ANGPTL3: variants seen among roughly 807,000 people sequenced by gnomAD.
ANGPTL3 encodes angiopoietin-related protein 3.
ANGPTL3 carries 51 observed loss-of-function variants against 52.7 expected under a neutral mutation model. That is an observed-to-expected ratio of 0.97 (90% CI 0.77 to 1.22). The LOEUF is 1.22. Ranked by LOEUF, ANGPTL3 falls within the 50% of genes most tolerant of loss-of-function variation. The pLI is 0.00. For synonymous variants in ANGPTL3, 185 were observed against 179.8 expected (o/e 1.03, Z -0.23); for missense variants, 506 against 520.7 (o/e 0.97, Z 0.27).
intron 3 of ANGPTL3, among the ~76,000 whole-genome samples, chr1:62,601,502 C>T (rs527277163): frequency 4.0e-5 from 6 of 151,552 alleles, no homozygotes; most frequent in South Asian, 2.1e-4. Context: ...GAAATATTTA[C>T]GGAGTTAAAG....
In ANGPTL3 at chr1:62,597,629, A is replaced by C. The variant is rs752195217; in HGVS notation, c.63A>C (p.Gln21His). The change falls in exon 1 of 7, where the codon CAA becomes CAC. Residue 21 changes from glutamine (Q) to histidine (H), a missense_variant. By Grantham distance (24) the Gln-to-His change is conservative. Coordinates refer to ENST00000371129, the MANE Select transcript of ANGPTL3 (RefSeq NM_014495.4). Reference sequence around the variant, plus strand: ...TAGTTATTTCCTCCAGAATTGATCAAGACAATTCATCATTTGATTCTCTAT... The same window carrying C: ...TAGTTATTTCCTCCAGAATTGATCACGACAATTCATCATTTGATTCTCTAT... ...VPLVISSRID[Q>H]DNSSFDSLSP... 1.9e-5 allele frequency: 31 copies of C among 1,612,868 alleles called. 1 individual carries two copies. The South Asian group carries it at 3.3e-4, about 17-fold the overall frequency.
At position 62,604,705 on chromosome 1, in the gene ANGPTL3, C is replaced by T. The variant is rs1484389440; in HGVS notation, c.1271C>T (p.Ser424Phe). Residue 424 changes from serine to phenylalanine, a missense_variant, in exon 7 of 7, where the codon TCT (serine) becomes TTT (phenylalanine). By Grantham distance (155) the Ser-to-Phe change is radical. Coordinates refer to ENST00000371129, the MANE Select transcript of ANGPTL3 (RefSeq NM_014495.4). Reference sequence around the variant, plus strand: ...AAATATAACAAACCAAGAGCAAAATCTAAGCCAGAGAGGAGAAGAGGATTA... The same window carrying T: ...AAATATAACAAACCAAGAGCAAAATTTAAGCCAGAGAGGAGAAGAGGATTA... The part of the protein sequence containing the change: ...NGKYNKPRAK[S>F]KPERRRGLSW... The T allele has an allele frequency of 1.9e-6, 3 of 1,613,076 alleles. No homozygotes were observed. Among genetic ancestry groups the T allele is most frequent in the Non-Finnish European group, 2.5e-6 (3 of 1,179,434 alleles).
chr1:62,604,594 G>T, intron 6 of ANGPTL3, 39 bp from the exon 7 acceptor site: 1 of 1,568,036 alleles, frequency 6.4e-7, no homozygotes, highest in Non-Finnish European at 8.8e-7. Flanking sequence ...AACTACATAC[G>T]AGTCTGTACC....
Position 62,601,894 on chromosome 1 carries a change from C to T in ANGPTL3, c.835+12C>T. The T allele has an allele frequency of 6.4e-7, 1 of 1,551,822 alleles. No individual in the cohort carries two copies. Among genetic ancestry groups the T allele is most frequent in the South Asian group, 1.1e-5 (1 of 89,738 alleles). On this transcript the variant is annotated intron_variant, in intron 4 of 6. Coordinates refer to ENST00000371129, the MANE Select transcript of ANGPTL3 (RefSeq NM_014495.4). ...TGATGTTATATCAGGTAAAACCTGT[C>T]TAAGGAGAATAGACAGTAGTTAGTT...
chr1:62,601,226 A>T, intron 3 of ANGPTL3, 30 bp downstream of exon 3: 1 of 1,406,576 alleles, frequency 7.1e-7, no homozygotes. Flanking sequence ...TTCCTTCTTG[A>T]AGCTATTATT....
In ANGPTL3 at chr1:62,605,250, G is replaced by T. The variant is rs1252230724; in HGVS notation, c.*433G>T. ...AATACAGAGGACTGGTAATTGTACA[G>T]TTCTTAAATGTTGTAGTATTAATTT... On this transcript the variant is annotated 3_prime_UTR_variant, in exon 7 of 7. Transcript: ENST00000371129. 1.9e-5 allele frequency: 3 copies of T among 159,546 alleles called. No homozygotes were observed. Among genetic ancestry groups the T allele is most frequent in the African/African-American group, 2.4e-5 (1 of 41,466 alleles). The allele number at this position is 159,546 out of a possible 1,614,324, so 9.9% of individuals were successfully genotyped here.
rs961400522 is a variant in ANGPTL3, at chr1:62,605,433, A to G, written c.*616A>G. 2 of 153,080 alleles carry G rather than the reference A, an allele frequency of 1.3e-5. No individual in the cohort carries two copies. Among genetic ancestry groups the G allele is most frequent in the African/African-American group, 4.8e-5 (2 of 41,460 alleles). The allele number at this position is 153,080 out of a possible 1,614,324, so 9.5% of individuals were successfully genotyped here. ...CAGAATTAAATACTGTATTAAAATA[A>G]GTTCGCTGTCTTTAAACAAATGGAG... On this transcript the variant is annotated 3_prime_UTR_variant, in exon 7 of 7. Coordinates refer to ENST00000371129, the MANE Select transcript of ANGPTL3 (RefSeq NM_014495.4).
chr1:62,597,857 G>C lies in ANGPTL3; in HGVS notation c.291G>C (p.Lys97Asn). Residue 97 changes from lysine to asparagine, a missense_variant, in exon 1 of 7, where the codon AAG becomes AAC. Coordinates refer to ENST00000371129, the MANE Select transcript of ANGPTL3 (RefSeq NM_014495.4). ...LQTSEIKEEE[K>N]ELRRTTYKLQ... ...CCAGTGAAATCAAAGAAGAAGAAAA[G>C]GAACTGAGAAGAACTACATATAAAC... 6.2e-7 allele frequency: 1 copy of C among 1,601,330 alleles called. No individual in the cohort carries two copies. Among genetic ancestry groups the C allele is most frequent in the Non-Finnish European group, 8.5e-7 (1 of 1,174,812 alleles).
chr1:62,603,086 C>A lies in ANGPTL3; in HGVS notation c.931+706C>A, dbSNP rs565555348. Among the ~76,000 whole-genome samples, 268 of 151,728 alleles carry A rather than the reference C, an allele frequency of 1.8e-3. 2 individuals are homozygous for A. Among genetic ancestry groups the A allele is most frequent in the African/African-American group, 5.9e-3 (243 of 41,508 alleles). Reference sequence around the variant, plus strand: ...ATTTAAAAATTTTGTATTCAAACTACCAGTGAAAGCCCTACCTAGAAGGTA... The same window carrying A: ...ATTTAAAAATTTTGTATTCAAACTAACAGTGAAAGCCCTACCTAGAAGGTA... On this transcript the variant is annotated intron_variant, in intron 5 of 6. Transcript: ENST00000371129.
chr1:62,604,190 G>C lies in ANGPTL3; in HGVS notation c.1153G>C (p.Asp385His). The C allele has an allele frequency of 6.2e-7, 1 of 1,613,260 alleles. No homozygotes were observed. The stretch of plus-strand genomic sequence containing the variant: ...CAAAGATTTGGTGTTTTCTACTTGG[G>C]ATCACAAAGCAAAAGGACACTTCAA... ...ENKDLVFSTWDHKAKGHFNCP... is the reference protein window; with the variant it reads ...ENKDLVFSTWHHKAKGHFNCP... The change falls in exon 6 of 7, where the codon GAT becomes CAT. Residue 385 changes from aspartate (D) to histidine (H), a missense_variant. Physicochemically the swap from Asp to His is moderately conservative, Grantham distance 81. Transcript: ENST00000371129.
Position 62,604,037 on chromosome 1 carries a change from G to A in ANGPTL3, c.1000G>A (p.Glu334Lys). ...GCAATCTAATTATGTTTTACGAATT[G>A]AGTTGGAAGACTGGAAAGACAACAA... ...VKQSNYVLRI[E>K]LEDWKDNKHY... is the part of the protein sequence containing the mutation. Residue 334 changes from glutamate (E) to lysine (K), a missense_variant, in exon 6 of 7, where the codon GAG becomes AAG. Coordinates refer to ENST00000371129, the MANE Select transcript of ANGPTL3 (RefSeq NM_014495.4). 1.2e-6 allele frequency: 2 copies of A among 1,612,982 alleles called. No homozygotes were observed. Among genetic ancestry groups the A allele is most frequent in the Non-Finnish European group, 1.7e-6 (2 of 1,179,244 alleles).
At chr1:62,604,505 A>C (rs1335143773) in intron 6 of ANGPTL3, 128 bp from the exon 7 acceptor site, 1 of 1,039,992 alleles carries the variant, frequency 9.6e-7, no homozygotes, top group Non-Finnish European at 1.4e-6. Context: ...AGATTATTTA[A>C]AACTGGGATA....
Position 62,604,981 on chromosome 1 carries a change from T to C in ANGPTL3, c.*164T>C, listed in dbSNP as rs1293467894. ...GATTAAACATACAATCACATAACCT[T>C]AAAGAATACCGTTTACATTTCTCAA... On this transcript the variant is annotated 3_prime_UTR_variant, in exon 7 of 7. Coordinates refer to ENST00000371129, the MANE Select transcript of ANGPTL3 (RefSeq NM_014495.4). 6.0e-6 allele frequency: 4 copies of C among 666,886 alleles called. No individual in the cohort carries two copies. The highest frequency in any genetic ancestry group is 7.6e-6 in the Non-Finnish European group (3 of 397,130). The allele number at this position is 666,886 out of a possible 1,614,324, so 41.3% of individuals were successfully genotyped here.
rs201148287 is a variant in ANGPTL3, at chr1:62,604,820, T to A, written c.*3T>A. 3.1e-6 allele frequency: 5 copies of A among 1,612,232 alleles called. No individual in the cohort carries two copies. The highest frequency in any genetic ancestry group is 4.2e-6 in the Non-Finnish European group (5 of 1,178,890). On this transcript the variant is annotated 3_prime_UTR_variant, in exon 7 of 7. Coordinates refer to ENST00000371129, the MANE Select transcript of ANGPTL3 (RefSeq NM_014495.4). ...CAGATTCAGAAAGCTTTGAATGAAC[T>A]GAGGCAAATTTAAAAGGCAATAATT... is the stretch of plus-strand genomic sequence containing the variant.
rs1650803599 is a variant in ANGPTL3 at position 62,605,192 on chromosome 1, C to G, written c.*375C>G. On this transcript the variant is annotated 3_prime_UTR_variant, in exon 7 of 7. Coordinates refer to ENST00000371129, the MANE Select transcript of ANGPTL3 (RefSeq NM_014495.4). ...ATCACAACTTTCCCAGTTTAAAAAACTAGTACTCTTGTTAAAACTCTAAAC... is the reference window on the plus strand; with the variant it reads ...ATCACAACTTTCCCAGTTTAAAAAAGTAGTACTCTTGTTAAAACTCTAAAC... The G allele has an allele frequency of 5.0e-6, 1 of 200,804 alleles. No individual in the cohort carries two copies. The highest frequency in any genetic ancestry group is 1.0e-5 in the Non-Finnish European group (1 of 98,014). The allele number at this position is 200,804 out of a possible 1,614,324, so 12.4% of individuals were successfully genotyped here. A position where few individuals can be genotyped will look rare whatever the true frequency, so the allele number is the denominator to read the frequency against.
rs753454044 is a variant in ANGPTL3 at position 62,604,838 on chromosome 1, C to T, written c.*21C>T. On this transcript the variant is annotated 3_prime_UTR_variant, in exon 7 of 7. Coordinates refer to ENST00000371129, the MANE Select transcript of ANGPTL3 (RefSeq NM_014495.4). ...AATGAACTGAGGCAAATTTAAAAGG[C>T]AATAATTTAAACATTAACCTCATTC... 2 of 1,604,778 alleles carry T rather than the reference C, an allele frequency of 1.2e-6. No homozygotes were observed. The highest frequency in any genetic ancestry group is 1.4e-5 in the African/African-American group (1 of 72,836).
intron 6 of ANGPTL3, 95 bp downstream of exon 6, chr1:62,604,330 C>T (rs186819439): frequency 9.5e-6 from 14 of 1,477,890 alleles, no homozygotes; most frequent in East Asian, 2.3e-5. Flanking sequence ...TTTAAAAATC[C>T]GAATCCCAAA....
Position 62,601,809 on chromosome 1 carries a change from A to G in ANGPTL3, c.762A>G (p.Glu254=). 1 of 1,610,144 alleles carries G rather than the reference A, an allele frequency of 6.2e-7. No homozygotes were observed. The highest frequency in any genetic ancestry group is 8.5e-7 in the Non-Finnish European group (1 of 1,177,260). ...GTACCACCATTTATAACAGAGGTGA[A>G]CATACAAGTGGCATGTATGCCATCA... ...AECTTIYNRG[E]HTSGMYAIRP... Residue 254 remains glutamate, a synonymous_variant, in exon 4 of 7, where the codon GAA becomes GAG. Coordinates refer to ENST00000371129, the MANE Select transcript of ANGPTL3 (RefSeq NM_014495.4).
chr1:62,604,795 C>T lies in ANGPTL3; in HGVS notation c.1361C>T (p.Thr454Ile). Residue 454 changes from threonine to isoleucine, a missense_variant, in exon 7 of 7, where the codon ACA (threonine) becomes ATA (isoleucine). Physicochemically the swap from Thr to Ile is moderately conservative, Grantham distance 89. Transcript: ENST00000371129. Reference sequence around the variant, plus strand: ...TCAACCAAAATGTTGATCCATCCAACAGATTCAGAAAGCTTTGAATGAACT... The same window carrying T: ...TCAACCAAAATGTTGATCCATCCAATAGATTCAGAAAGCTTTGAATGAACT... Reference protein sequence around the residue: ...IKSTKMLIHPTDSESFE With the variant: ...IKSTKMLIHPIDSESFE 1 of 1,612,980 alleles carries T rather than the reference C, an allele frequency of 6.2e-7. No homozygotes were observed. Among genetic ancestry groups the T allele is most frequent in the South Asian group, 1.1e-5 (1 of 91,050 alleles).
Sources: gnomAD v4.1 joint callset for allele counts (sites outside exome capture counted in the v4.1 genomes callset) on GRCh38, gnomAD v4.1.1 for gene constraint, MANE v1.5 for transcripts, NCBI Gene and HGNC (gene_info 2026-07-23, HGNC 2026-07-21) for gene names.